Variants in ZC3HAV1 observed in about 807,000 individuals in gnomAD.
The protein encoded by ZC3HAV1 is zinc finger CCCH-type antiviral protein 1.
ZC3HAV1 carries 41 observed loss-of-function variants against 86.6 expected under a neutral mutation model. That is an observed-to-expected ratio of 0.47 (90% confidence interval 0.37 to 0.61). The LOEUF is 0.61. ZC3HAV1 is among the 20% of genes least tolerant of loss of function. The pLI, the probability that ZC3HAV1 is intolerant of heterozygous loss-of-function variation, is 0.00. For synonymous variants in ZC3HAV1, 421 were observed against 432.1 expected, an observed-to-expected ratio of 0.97 and a Z score of 0.32; for missense variants, 964 against 1,141.1, an observed-to-expected ratio of 0.84 and a Z score of 2.24.
chr7:139,109,317 C>A lies in ZC3HAV1; in HGVS notation c.15G>T (p.Glu5Asp), dbSNP rs904347097. MADP[E>D]VCCFITKILC... ...GGATTTTGGTGATGAAGCAGCACAC[C>A]TCCGGGTCCGCCATGGCGCGCTGGC... The change falls in exon 1 of 13, where the codon GAG (glutamate) becomes GAT (aspartate). Residue 5 changes from glutamate to aspartate, a missense_variant. Glu to Asp is a conservative substitution (Grantham distance 45, BLOSUM62 2). Transcript: ENST00000242351. The A allele has an allele frequency of 6.3e-7, 1 of 1,593,746 alleles. No individual in the cohort carries two copies. Among genetic ancestry groups the A allele is most frequent in the Non-Finnish European group, 8.6e-7 (1 of 1,168,820 alleles).
At chr7:139,070,246 A>G (rs1187769216) in intron 7 of ZC3HAV1, among the ~76,000 whole-genome samples, 2 of 152,232 alleles carry the variant, frequency 1.3e-5, no homozygotes, top group Non-Finnish European at 2.9e-5. Flanking sequence ...GTGTTTGCAG[A>G]TTGAATGTTA....
chr7:139,085,993 A>G (rs911406787), intron 2 of ZC3HAV1, among the ~76,000 whole-genome samples: 1 of 152,008 alleles, frequency 6.6e-6, no homozygotes, highest in South Asian at 2.1e-4. Context: ...CCTGGGAGAC[A>G]GAGTGAGACT....
chr7:139,050,000 G>A, intron 12 of ZC3HAV1: 1 of 164,430 alleles, frequency 6.1e-6, no homozygotes, highest in Non-Finnish European at 1.4e-5. Flanking sequence ...AGTGAATAGT[G>A]AACCATTTTC....
chr7:139,108,962 C>A lies in ZC3HAV1; in HGVS notation c.308+62G>T. ...GCCGTGCCCCTCCCAGAACATTGCC[C>A]GCCTGGACAGTCCACCCCGACCACG... On this transcript the variant is annotated intron_variant, in intron 1 of 12. Coordinates refer to ENST00000242351, the MANE Select transcript of ZC3HAV1 (RefSeq NM_020119.4). The surrounding 1 kb of genome is among the most constrained non-coding windows in gnomAD (Gnocchi z 4.2). 6.7e-7 allele frequency: 1 copy of A among 1,487,620 alleles called. No homozygotes were observed. Among genetic ancestry groups the A allele is most frequent in the Non-Finnish European group, 9.0e-7 (1 of 1,108,696 alleles). 92.2% of individuals were successfully genotyped at this position (1,487,620 alleles called of 1,614,324 possible). A position where few individuals can be genotyped will look rare whatever the true frequency, so the allele number is the denominator to read the frequency against.
At chr7:139,104,506 G>A (rs754728964) in intron 1 of ZC3HAV1, among the ~76,000 whole-genome samples, 5 of 151,104 alleles carry the variant, frequency 3.3e-5, no homozygotes, top group Non-Finnish European at 5.9e-5. Flanking sequence ...CTGAGCTCAG[G>A]AGTTGGAGAC....
intron 7 of ZC3HAV1, among the ~76,000 whole-genome samples, chr7:139,073,048 C>A (rs368111747): frequency 1.3e-5 from 2 of 152,122 alleles, no homozygotes; most frequent in Non-Finnish European, 2.9e-5. Flanking sequence ...GTAATCTCAA[C>A]ACTTTGGGAG....
intron 8 of ZC3HAV1, among the ~76,000 whole-genome samples, chr7:139,062,751 C>T (rs192489275): frequency 8.5e-4 from 130 of 152,206 alleles, no homozygotes; most frequent in African/African-American, 2.8e-3. Context: ...AAAAGGCGGA[C>T]GGGTGCAGTG....
At chr7:139,060,983 G>T in intron 9 of ZC3HAV1, 53 bp downstream of exon 9, 1 of 1,610,690 alleles carries the variant, frequency 6.2e-7, no homozygotes. Context: ...GATGAGCCCA[G>T]GGCATGAACA....
intron 1 of ZC3HAV1, among the ~76,000 whole-genome samples, chr7:139,095,738 C>G (rs1181018346): frequency 6.6e-6 from 1 of 152,206 alleles, no homozygotes; most frequent in East Asian, 1.9e-4. Flanking sequence ...GACAGTCTCT[C>G]CAGTCTTGAC....
At chr7:139,098,819 T>G (rs1319241926) in intron 1 of ZC3HAV1, among the ~76,000 whole-genome samples, 2 of 152,216 alleles carry the variant, frequency 1.3e-5, no homozygotes, top group Admixed American at 6.5e-5. Context: ...CCTGAAATCC[T>G]AGGTGCTCCT....
Position 139,071,101 on chromosome 7 carries a change from AC to A in ZC3HAV1, c.1872+2754del, listed in dbSNP as rs1205591972. ...CAAATAGTTCCTTTTGGTTTCTGAA[AC>A]CTTTTTTTTTTTTTTTTGGAGTCTT... On this transcript the variant is annotated intron_variant, in intron 7 of 12. Coordinates refer to ENST00000242351, the MANE Select transcript of ZC3HAV1 (RefSeq NM_020119.4). Among the ~76,000 whole-genome samples the A allele has an allele frequency of 7.5e-3, 1,102 of 146,528 alleles. 13 individuals are homozygous for A. Among genetic ancestry groups the A allele is most frequent in the African/African-American group, 0.026 (1,039 of 39,286 alleles).
At chr7:139,056,382 T>C (rs1441205880) in intron 9 of ZC3HAV1, among the ~76,000 whole-genome samples, 1 of 116,354 alleles carries the variant, frequency 8.6e-6, no homozygotes, top group African/African-American at 5.1e-5. Flanking sequence ...TTTTATTGTT[T>C]TTTTTTTTTC....
chr7:139,055,159 T>A, intron 10 of ZC3HAV1, 46 bp downstream of exon 10: 1 of 1,531,578 alleles, frequency 6.5e-7, no homozygotes, highest in Non-Finnish European at 9.0e-7. Context: ...AAGTACTTTT[T>A]CTAACTTTTA....
intron 3 of ZC3HAV1, among the ~76,000 whole-genome samples, chr7:139,080,465 T>A (rs1213323956): frequency 3.9e-5 from 6 of 152,192 alleles, no homozygotes; most frequent in African/African-American, 1.4e-4. Context: ...AGTGTTGCTC[T>A]GTTGCCCAGG....
chr7:139,079,367 C>A (rs1269253470), intron 4 of ZC3HAV1, 103 bp downstream of exon 4: 2 of 1,599,930 alleles, frequency 1.3e-6, no homozygotes, highest in Admixed American at 3.4e-5. Flanking sequence ...ACCAGTGGCA[C>A]CAGTTTTTTC....
intron 1 of ZC3HAV1, 103 bp from the exon 2 acceptor site, chr7:139,089,862 C>G (rs754574057): frequency 2.0e-5 from 26 of 1,275,394 alleles, no homozygotes; most frequent in Non-Finnish European, 2.5e-5. Flanking sequence ...TGCCCATATT[C>G]TCTGACAACA....
intron 7 of ZC3HAV1, among the ~76,000 whole-genome samples, chr7:139,067,476 C>T (rs1010149026): frequency 6.6e-6 from 1 of 152,062 alleles, no homozygotes; most frequent in African/African-American, 2.4e-5. Flanking sequence ...CACCTCTACC[C>T]TTTTACAGTA....
At chr7:139,049,126 T>C (rs1427534032) in intron 12 of ZC3HAV1, among the ~76,000 whole-genome samples, 1 of 116,168 alleles carries the variant, frequency 8.6e-6, no homozygotes, top group Non-Finnish European at 1.6e-5. Flanking sequence ...CTCTCTCTCC[T>C]TTTTTTTTTT....
chr7:139,084,897 C>T (rs1332648382), intron 2 of ZC3HAV1, among the ~76,000 whole-genome samples: 3 of 152,210 alleles, frequency 2.0e-5, no homozygotes, highest in Middle Eastern at 3.2e-3. Flanking sequence ...CAAACCAGAT[C>T]AGTATGGTTC....
Sources: gnomAD v4.1 joint callset for allele counts (sites outside exome capture counted in the v4.1 genomes callset) on GRCh38, gnomAD v4.1.1 for gene constraint, Gnocchi (gnomAD v3.1) non-coding constraint, MANE v1.5 for transcripts, NCBI Gene and HGNC (gene_info 2026-07-23, HGNC 2026-07-21) for gene names.